Variants in LHFPL3 observed in about 807,000 individuals in gnomAD.
LHFPL3 encodes the protein LHFPL tetraspan subfamily member 3 protein.
Under a neutral mutation model 19.3 loss-of-function variants are expected in LHFPL3, and 5 were observed. That is an observed-to-expected ratio of 0.26 (90% confidence interval 0.14 to 0.54). LHFPL3 has a LOEUF of 0.54. Among genes scored for constraint, LHFPL3 ranks in the 20% least tolerant of loss-of-function variants. The probability of loss-of-function intolerance (pLI) is 0.94; values close to 1 mark genes in which losing one functional copy is unlikely to be tolerated. For missense variants in LHFPL3, 249 were observed against 307.4 expected (o/e 0.81, Z 1.42); for synonymous variants, 133 against 126.2 (o/e 1.05, Z -0.36).
chr7:104,652,316 G>C (rs1792048088), intron 1 of LHFPL3, among the ~76,000 whole-genome samples: 1 of 152,164 alleles, frequency 6.6e-6, no homozygotes, highest in African/African-American at 2.4e-5. Context: ...GGGCCAGTGG[G>C]GGAAAAGTGA....
chr7:104,391,568 T>C (rs1387628256), intron 1 of LHFPL3, among the ~76,000 whole-genome samples: 3 of 152,232 alleles, frequency 2.0e-5, no homozygotes, highest in Non-Finnish European at 4.4e-5. Flanking sequence ...ACCAGTACCA[T>C]GCTGTTTTGG....
intron 1 of LHFPL3, among the ~76,000 whole-genome samples, chr7:104,592,170 G>A (rs751775044): frequency 3.3e-5 from 5 of 152,150 alleles, no homozygotes; most frequent in Non-Finnish European, 7.3e-5. Flanking sequence ...CTGGTGAGGA[G>A]CTGCTTTCCT....
intron 2 of LHFPL3, among the ~76,000 whole-genome samples, chr7:104,856,893 T>G (rs905647878): frequency 6.6e-6 from 1 of 152,188 alleles, no homozygotes; most frequent in Non-Finnish European, 1.5e-5. Flanking sequence ...ATTGATACCC[T>G]GCATGTTCAG....
chr7:104,848,266 T>C (rs997245018), intron 2 of LHFPL3, among the ~76,000 whole-genome samples: 5 of 152,198 alleles, frequency 3.3e-5, no homozygotes, highest in Non-Finnish European at 7.3e-5. Flanking sequence ...GGGAAGCAGC[T>C]GTTGGAGATA....
intron 1 of LHFPL3, among the ~76,000 whole-genome samples, chr7:104,573,574 C>T (rs1463043980): frequency 6.6e-6 from 1 of 152,124 alleles, no homozygotes; most frequent in Non-Finnish European, 1.5e-5. Context: ...TTATTTTGCT[C>T]CCTTTGGAAT....
chr7:104,724,910 A>G (rs1437395972), intron 1 of LHFPL3, among the ~76,000 whole-genome samples: 3 of 152,220 alleles, frequency 2.0e-5, no homozygotes, highest in Non-Finnish European at 4.4e-5. Context: ...CAGGAGCCCA[A>G]AACCCTGACC....
intron 1 of LHFPL3, among the ~76,000 whole-genome samples, chr7:104,657,520 G>A (rs1208078400): frequency 6.6e-6 from 1 of 152,264 alleles, no homozygotes; most frequent in Admixed American, 6.5e-5. Flanking sequence ...TGCCTAATAT[G>A]TGTAGAGATT....
chr7:104,435,125 T>C (rs571586575), intron 1 of LHFPL3, among the ~76,000 whole-genome samples: 1 of 97,456 alleles, frequency 1.0e-5, no homozygotes, highest in African/African-American at 4.2e-5. Context: ...TAGGATTAAA[T>C]GTTTTCCATA....
At chr7:104,555,130 C>A (rs994787578) in intron 1 of LHFPL3, among the ~76,000 whole-genome samples, 4 of 152,116 alleles carry the variant, frequency 2.6e-5, no homozygotes, top group Non-Finnish European at 5.9e-5. Flanking sequence ...ACAGACACAC[C>A]CAGAAATGAC....
chr7:104,411,228 A>G (rs965890681), intron 1 of LHFPL3, among the ~76,000 whole-genome samples: 3 of 152,208 alleles, frequency 2.0e-5, no homozygotes, highest in African/African-American at 7.2e-5. Context: ...TCTAGCTATC[A>G]GTAGTTTTTT....
chr7:104,592,245 G>C lies in LHFPL3; in HGVS notation c.446-144430G>C, dbSNP rs201583909. ...CTTTTCTGCTCTGGTTTCTCCCCAT[G>C]TTTGTGGTTTTATCTACCTTTGGTC... is the stretch of plus-strand genomic sequence containing the variant. On this transcript the variant is annotated intron_variant, in intron 1 of 2. Coordinates refer to ENST00000424859, the MANE Select transcript of LHFPL3 (RefSeq NM_199000.3). Among the ~76,000 whole-genome samples the C allele has an allele frequency of 5.9e-5, 9 of 152,232 alleles. No homozygotes were observed. The South Asian group carries it at 1.5e-3, about 25-fold the overall frequency.
intron 2 of LHFPL3, chr7:104,743,908 C>G (rs376569867): frequency 3.3e-5 from 5 of 152,252 alleles, no homozygotes; most frequent in Admixed American, 2.6e-4. Context: ...GGCATGATCA[C>G]GGCTCACTGC....
chr7:104,403,383 C>T (rs1039486997), intron 1 of LHFPL3, among the ~76,000 whole-genome samples: 5 of 152,236 alleles, frequency 3.3e-5, no homozygotes, highest in African/African-American at 1.2e-4. Context: ...CTGCTAAGAA[C>T]CTGGGCTCCT....
intron 1 of LHFPL3, among the ~76,000 whole-genome samples, chr7:104,358,889 C>T (rs898753973): frequency 6.6e-6 from 1 of 152,154 alleles, no homozygotes; most frequent in Non-Finnish European, 1.5e-5. Flanking sequence ...AGCTGTTGCT[C>T]GATGGATGTC....
chr7:104,752,248 C>T (rs919349428), intron 2 of LHFPL3, among the ~76,000 whole-genome samples: 1 of 151,994 alleles, frequency 6.6e-6, no homozygotes, highest in Admixed American at 6.6e-5. Context: ...CAACATTTTG[C>T]GTTGACTGAG....
chr7:104,398,060 CT>C (rs11358035), intron 1 of LHFPL3, among the ~76,000 whole-genome samples: 64,308 of 141,630 alleles, frequency 0.45, 13,705 homozygotes, highest in Admixed American at 0.55. Context: ...ATGCATTTAA[CT>C]TTTTTTTTTT....
chr7:104,651,548 G>C (rs13230447), intron 1 of LHFPL3, among the ~76,000 whole-genome samples: 2,021 of 152,308 alleles, frequency 0.013, 22 homozygotes, highest in Middle Eastern at 0.024. Flanking sequence ...AGGGAGGCAG[G>C]GTGCCTGTCT....
intron 1 of LHFPL3, among the ~76,000 whole-genome samples, chr7:104,486,780 C>A (rs1181687157): frequency 6.6e-6 from 1 of 151,964 alleles, no homozygotes; most frequent in African/African-American, 2.4e-5. Context: ...TTATTAATTT[C>A]TTCCTTTGCT....
At chr7:104,457,450 A>AT (rs1792569634) in intron 1 of LHFPL3, among the ~76,000 whole-genome samples, 5 of 152,218 alleles carry the variant, frequency 3.3e-5, no homozygotes. Flanking sequence ...TGAACTCATC[A>AT]TTTTTATGGC....
Sources: allele counts gnomAD v4.1 joint callset (sites outside exome capture counted in the v4.1 genomes callset), GRCh38; gene constraint gnomAD v4.1.1; transcripts MANE v1.5; gene names NCBI Gene and HGNC (gene_info 2026-07-23, HGNC 2026-07-21).